Variants in RANBP17 observed in about 807,000 individuals in gnomAD.
RANBP17 encodes the protein ran-binding protein 17.
Under a neutral mutation model 141.2 loss-of-function variants are expected in RANBP17, and 158 were observed. The ratio of observed to expected loss-of-function variants is 1.12; its 90% CI spans 0.98 to 1.28. RANBP17 has a LOEUF of 1.28. Among genes scored for constraint, RANBP17 ranks in the 50% most tolerant of loss-of-function variants. The pLI, the probability that RANBP17 is intolerant of heterozygous loss-of-function variation, is 0.00. For missense variants in RANBP17, 1,438 were observed against 1,290.7 expected, an observed-to-expected ratio of 1.11 and a Z score of -1.75; for synonymous variants, 430 against 450.0, an observed-to-expected ratio of 0.96 and a Z score of 0.56.
chr5:170,916,443 A>G lies in RANBP17; in HGVS notation c.835-22A>G, dbSNP rs1203446177. On this transcript the variant is annotated intron_variant, in intron 8 of 27. Coordinates refer to ENST00000523189, the MANE Select transcript of RANBP17 (RefSeq NM_022897.5). ...CACAGATACTTTGAAAATTGAAATG[A>G]AATTTTTTTGGTATTTTTTAGGCAC... The G allele has an allele frequency of 3.3e-6, 5 of 1,510,168 alleles. No homozygotes were observed. The African/African-American group carries it at 4.2e-5, about 13-fold the overall frequency. 93.5% of individuals were successfully genotyped at this position (1,510,168 alleles called of 1,614,324 possible). A position where few individuals can be genotyped will look rare whatever the true frequency, so the allele number is the denominator to read the frequency against.
intron 16 of RANBP17, among the ~76,000 whole-genome samples, chr5:171,176,093 G>A (rs573258772): frequency 6.6e-6 from 1 of 152,062 alleles, no homozygotes; most frequent in Non-Finnish European, 1.5e-5. Flanking sequence ...CTTCCATTTG[G>A]CCTCAGACTG....
chr5:171,295,302 A>G (rs1199960672), intron 26 of RANBP17, among the ~76,000 whole-genome samples: 2 of 152,084 alleles, frequency 1.3e-5, no homozygotes, highest in African/African-American at 4.8e-5. Flanking sequence ...CCTGACAGAC[A>G]TTTTCCTTAG....
intron 14 of RANBP17, among the ~76,000 whole-genome samples, chr5:171,168,778 G>C (rs772656390): frequency 3.9e-5 from 6 of 152,094 alleles, no homozygotes; most frequent in Non-Finnish European, 5.9e-5. Context: ...CTTTTCTGTA[G>C]GGCTCAGAAG....
intron 14 of RANBP17, among the ~76,000 whole-genome samples, chr5:171,092,425 C>T (rs1786365024): frequency 6.6e-6 from 1 of 152,132 alleles, no homozygotes; most frequent in Non-Finnish European, 1.5e-5. Flanking sequence ...ATATTTACTT[C>T]CCTAATATAT....
intron 14 of RANBP17, among the ~76,000 whole-genome samples, chr5:171,092,889 G>A (rs1186152785): frequency 6.6e-6 from 1 of 152,180 alleles, no homozygotes; most frequent in Non-Finnish European, 1.5e-5. Flanking sequence ...GGCATTTAAT[G>A]GATGTCCACT....
chr5:170,952,515 T>G (rs1775289237), intron 12 of RANBP17, among the ~76,000 whole-genome samples: 1 of 152,046 alleles, frequency 6.6e-6, no homozygotes, highest in African/African-American at 2.4e-5. Flanking sequence ...GTTGATTAAT[T>G]GTAGTATAAT....
At chr5:171,238,952 A>AT (rs1396260350) in intron 22 of RANBP17, among the ~76,000 whole-genome samples, 1 of 152,154 alleles carries the variant, frequency 6.6e-6, no homozygotes, top group Non-Finnish European at 1.5e-5. Context: ...ATTGTATGGA[A>AT]TTATTTATTT....
intron 25 of RANBP17, among the ~76,000 whole-genome samples, chr5:171,274,820 C>A (rs1767390000): frequency 1.3e-5 from 2 of 151,946 alleles, no homozygotes; most frequent in South Asian, 4.2e-4. Context: ...ACATAATAAA[C>A]CAAATGGAAA....
In RANBP17 at chr5:171,216,752, A is replaced by G. The variant is rs181492766; in HGVS notation, c.2339+3014A>G. Among the ~76,000 whole-genome samples the G allele has an allele frequency of 1.3e-3, 191 of 152,264 alleles. 2 individuals are homozygous for G. The highest frequency in any genetic ancestry group is 1.8e-3 in the Non-Finnish European group (123 of 68,012). On this transcript the variant is annotated intron_variant, in intron 21 of 27. Transcript: ENST00000523189. ...ATAGGAATGCTTGTGATTTTTGCAC[A>G]TTGATTTTGTATCCTGAGACTTTGC...
chr5:171,167,915 A>G (rs767022401), intron 14 of RANBP17, among the ~76,000 whole-genome samples: 16 of 152,182 alleles, frequency 1.1e-4, no homozygotes. Flanking sequence ...GATTCTATGT[A>G]TTTTGTCTGT....
intron 14 of RANBP17, among the ~76,000 whole-genome samples, chr5:171,117,772 C>T (rs756422707): frequency 7.9e-5 from 12 of 152,188 alleles, no homozygotes; most frequent in Non-Finnish European, 1.5e-4. Flanking sequence ...GGATTACAGA[C>T]GTGAGCCACT....
chr5:170,872,432 T>A (rs1312388106), intron 1 of RANBP17, among the ~76,000 whole-genome samples: 1 of 152,226 alleles, frequency 6.6e-6, no homozygotes, highest in Non-Finnish European at 1.5e-5. Flanking sequence ...TGGAGTTTTC[T>A]AGATTGTAGG....
At chr5:171,006,015 T>C (rs1214950463) in intron 14 of RANBP17, among the ~76,000 whole-genome samples, 4 of 152,132 alleles carry the variant, frequency 2.6e-5, no homozygotes, top group African/African-American at 9.7e-5. Flanking sequence ...TCACTGGCCA[T>C]CAGAGAAATG....
Position 170,923,247 on chromosome 5 carries a change from T to C in RANBP17, c.1275-1110T>C, listed in dbSNP as rs142977926. Reference sequence around the variant, plus strand: ...TAGATGACCAGTTATTTCAACATCATTTGTGTAACAGACTATCCTTTCTCC... The same window carrying C: ...TAGATGACCAGTTATTTCAACATCACTTGTGTAACAGACTATCCTTTCTCC... On this transcript the variant is annotated intron_variant, in intron 11 of 27. Coordinates refer to ENST00000523189, the MANE Select transcript of RANBP17 (RefSeq NM_022897.5). 2.2e-3 allele frequency among the ~76,000 whole-genome samples: 336 copies of C among 152,338 alleles called. 1 individual carries two copies. Among genetic ancestry groups the C allele is most frequent in the African/African-American group, 7.3e-3 (302 of 41,588 alleles).
chr5:171,244,364 G>A (rs566614226), intron 24 of RANBP17, among the ~76,000 whole-genome samples: 2 of 152,140 alleles, frequency 1.3e-5, no homozygotes, highest in South Asian at 2.1e-4. Flanking sequence ...GGCAACGAAC[G>A]AAACTCCATC....
At chr5:170,923,689 A>G (rs779104259) in intron 11 of RANBP17, among the ~76,000 whole-genome samples, 19 of 152,180 alleles carry the variant, frequency 1.2e-4, no homozygotes, top group Non-Finnish European at 1.6e-4. Flanking sequence ...ATTTTATGGT[A>G]TTTAGCCTTC....
chr5:171,123,807 C>T (rs1325882854), intron 14 of RANBP17, among the ~76,000 whole-genome samples: 6 of 152,200 alleles, frequency 3.9e-5, no homozygotes, highest in Admixed American at 6.5e-5. Flanking sequence ...ACTGCACCCA[C>T]GCAGGGAGCA....
intron 25 of RANBP17, among the ~76,000 whole-genome samples, chr5:171,279,759 G>A (rs1275640122): frequency 1.3e-5 from 2 of 151,618 alleles, no homozygotes; most frequent in Non-Finnish European, 2.9e-5. Context: ...ATTTAATCCT[G>A]CAGTGACTGT....
intron 19 of RANBP17, among the ~76,000 whole-genome samples, chr5:171,205,066 T>G (rs1262721073): frequency 6.6e-6 from 1 of 152,170 alleles, no homozygotes; most frequent in Admixed American, 6.5e-5. Context: ...TGTCCTGAAG[T>G]TATTAAGGAT....
Sources: allele counts gnomAD v4.1 joint callset (sites outside exome capture counted in the v4.1 genomes callset), GRCh38; gene constraint gnomAD v4.1.1; transcripts MANE v1.5; gene names NCBI Gene and HGNC (gene_info 2026-07-23, HGNC 2026-07-21).